Variants in PPARGC1A observed in about 807,000 individuals in gnomAD.
PPARGC1A encodes the protein peroxisome proliferator-activated receptor gamma coactivator 1-alpha.
Under a neutral mutation model 88.7 loss-of-function variants are expected in PPARGC1A, and 25 were observed. The observed-to-expected ratio is 0.28, with a 90% CI of 0.21 to 0.39. The LOEUF (loss-of-function observed/expected upper bound fraction) is 0.39, where lower values mean the gene tolerates loss of function less well. PPARGC1A is among the 10% of genes least tolerant of loss of function. The pLI is 1.00. For missense variants in PPARGC1A, 880 were observed against 968.7 expected (o/e 0.91, Z 1.22); for synonymous variants, 363 against 355.6 (o/e 1.02, Z -0.24).
the PPARGC1A span, among the ~76,000 whole-genome samples, chr4:24,169,252 AAAC>A: frequency 6.6e-6 from 1 of 152,194 alleles, no homozygotes; most frequent in African/African-American, 2.4e-5. Context: ...AGTCCGTGAA[AAAC>A]AAAGAAAGGC....
chr4:24,396,139 C>T, the PPARGC1A span, among the ~76,000 whole-genome samples: 10 of 152,126 alleles, frequency 6.6e-5, no homozygotes, highest in South Asian at 2.1e-4. Context: ...ATCAGGGTGC[C>T]GGGGACAGTG....
At chr4:24,049,308 G>GTATATATATATATA in the PPARGC1A span, among the ~76,000 whole-genome samples, 122 of 139,542 alleles carry the variant, frequency 8.7e-4, no homozygotes, top group Middle Eastern at 3.7e-3. Flanking sequence ...ATATATGTGT[G>GTATATATATATATA]TATATATATA....
At chr4:24,078,009 G>A in the PPARGC1A span, among the ~76,000 whole-genome samples, 1 of 151,618 alleles carries the variant, frequency 6.6e-6, no homozygotes, top group African/African-American at 2.4e-5. Flanking sequence ...CATAGTTCCT[G>A]TTCTTTATGA....
chr4:24,355,080 T>C, the PPARGC1A span, among the ~76,000 whole-genome samples: 1 of 152,186 alleles, frequency 6.6e-6, no homozygotes, highest in Non-Finnish European at 1.5e-5. Context: ...ATCAGAAAGT[T>C]GAAGGGACTT....
At chr4:24,297,961 A>G in the PPARGC1A span, among the ~76,000 whole-genome samples, 1 of 152,232 alleles carries the variant, frequency 6.6e-6, no homozygotes, top group Non-Finnish European at 1.5e-5. Context: ...GTGGTAGCCA[A>G]AGAAAATACT....
the PPARGC1A span, among the ~76,000 whole-genome samples, chr4:24,206,245 G>C: frequency 6.6e-6 from 1 of 152,182 alleles, no homozygotes; most frequent in African/African-American, 2.4e-5. Flanking sequence ...AATGATGAAA[G>C]TATGAGACCT....
the PPARGC1A span, among the ~76,000 whole-genome samples, chr4:24,132,296 G>GA: frequency 0.66 from 98,415 of 148,918 alleles, 32,574 homozygotes; most frequent in Non-Finnish European, 0.71. Context: ...TTCTATATCA[G>GA]AAAAAAAAAA....
rs369519960 is a variant in PPARGC1A, at chr4:23,831,563, C to T, written c.423G>A (p.Pro141=). ...GTPPPQEAEE[P]SLLKKLLLAP... is the part of the protein sequence containing the mutation. ...CAGTAGGAAGGGTTCTTACTAGAGA[C>T]GGCTCTTCTGCCTCCTGGGGTGGAG... Residue 141 remains proline (P), a synonymous_variant, in exon 3 of 13, where the codon CCG becomes CCA. Coordinates refer to ENST00000264867, the MANE Select transcript of PPARGC1A (RefSeq NM_013261.5). The T allele has an allele frequency of 1.7e-5, 28 of 1,613,608 alleles. No homozygotes were observed. Among genetic ancestry groups the T allele is most frequent in the African/African-American group, 5.3e-5 (4 of 75,024 alleles).
At chr4:24,254,732 AT>A in the PPARGC1A span, among the ~76,000 whole-genome samples, 1 of 152,236 alleles carries the variant, frequency 6.6e-6, no homozygotes, top group Non-Finnish European at 1.5e-5. Context: ...CAAGCTGCAT[AT>A]TGTGATGAGA....
At chr4:23,897,937 C>T (rs1264323094) in intron 1 of PPARGC1A, among the ~76,000 whole-genome samples, 1 of 152,146 alleles carries the variant, frequency 6.6e-6, no homozygotes, top group Non-Finnish European at 1.5e-5. Context: ...GTGAAAACCA[C>T]ACAACTGATG....
At chr4:24,297,865 A>G in the PPARGC1A span, among the ~76,000 whole-genome samples, 3 of 152,314 alleles carry the variant, frequency 2.0e-5, no homozygotes, top group African/African-American at 4.8e-5. Context: ...CTCTGGGTCA[A>G]TCGGGTTTTT....
chr4:23,915,059 T>C, the PPARGC1A span, among the ~76,000 whole-genome samples: 1 of 152,204 alleles, frequency 6.6e-6, no homozygotes, highest in South Asian at 2.1e-4. Flanking sequence ...TCCATAAAAC[T>C]TAAAAAGGAG....
chr4:24,201,346 C>G, the PPARGC1A span, among the ~76,000 whole-genome samples: 7 of 152,210 alleles, frequency 4.6e-5, no homozygotes, highest in South Asian at 4.1e-4. Flanking sequence ...ATTGCCAACC[C>G]TCACCCCCAC....
At chr4:23,813,398 C>G (rs1721312440) in intron 8 of PPARGC1A, among the ~76,000 whole-genome samples, 1 of 152,150 alleles carries the variant, frequency 6.6e-6, no homozygotes, top group African/African-American at 2.4e-5. Flanking sequence ...TCTCCACTAT[C>G]CTGGCACAGG....
the PPARGC1A span, among the ~76,000 whole-genome samples, chr4:24,413,731 C>T: frequency 6.6e-6 from 1 of 152,114 alleles, no homozygotes; most frequent in East Asian, 1.9e-4. Context: ...AGATCTCTTG[C>T]CCAACATCAG....
intron 10 of PPARGC1A, 127 bp from the exon 11 acceptor site, chr4:23,802,472 G>A (rs1441688934): frequency 3.5e-6 from 4 of 1,147,040 alleles, no homozygotes; most frequent in African/African-American, 3.1e-5. Flanking sequence ...GAGGTCAGGA[G>A]TTCAATACCA....
At chr4:24,149,181 A>G in the PPARGC1A span, among the ~76,000 whole-genome samples, 2 of 152,240 alleles carry the variant, frequency 1.3e-5, no homozygotes, top group African/African-American at 4.8e-5. Context: ...AATCAGTCTG[A>G]TAAAGAATTT....
At chr4:24,361,491 G>C in the PPARGC1A span, among the ~76,000 whole-genome samples, 54,319 of 151,986 alleles carry the variant, frequency 0.36, 9,891 homozygotes, top group African/African-American at 0.39. Context: ...CTATCCTTCT[G>C]TTTGACTCTC....
At chr4:24,041,976 T>C in the PPARGC1A span, among the ~76,000 whole-genome samples, 3 of 152,002 alleles carry the variant, frequency 2.0e-5, no homozygotes, top group Admixed American at 2.0e-4. Flanking sequence ...TGACTGTATA[T>C]GGAATCTTTA....
Sources: allele counts gnomAD v4.1 joint callset (sites outside exome capture counted in the v4.1 genomes callset), GRCh38; gene constraint gnomAD v4.1.1; transcripts MANE v1.5; gene names NCBI Gene and HGNC (gene_info 2026-07-23, HGNC 2026-07-21).